SPATA31C2: variants seen among roughly 807,000 people sequenced by gnomAD.
The protein encoded by SPATA31C2 is spermatogenesis-associated protein 31C2.
Under a neutral mutation model 11.4 loss-of-function variants are expected in SPATA31C2, and 5 were observed. That is an observed-to-expected ratio of 0.44 (90% CI 0.23 to 0.92). SPATA31C2 has a LOEUF of 0.92. Among genes scored for constraint, SPATA31C2 ranks in the 40% least tolerant of loss-of-function variants. The pLI, the probability that SPATA31C2 is intolerant of heterozygous loss-of-function variation, is 0.24. For synonymous variants in SPATA31C2, 515 were observed against 538.7 expected (o/e 0.96, Z 0.61); for missense variants, 1,353 against 1,368.6 (o/e 0.99, Z 0.18).
Position 88,131,402 on chromosome 9 carries a change from C to T in SPATA31C2, c.1635G>A (p.Glu545=), listed in dbSNP as rs772601855. Residue 545 remains glutamate, a synonymous_variant, in exon 4 of 4, where the codon GAG becomes GAA. Transcript: ENST00000324915. ...GCTTCCTCAGGTTCCTTTCCGACTC[C>T]TCAGAGGTCGCCCCCAGAACCTTCC... ...FPGKVLGATS[E]ESERNLRKPL... is the part of the protein sequence containing the mutation. 16 of 1,611,868 alleles carry T rather than the reference C, an allele frequency of 9.9e-6. No individual in the cohort carries two copies. Among genetic ancestry groups the T allele is most frequent in the Non-Finnish European group, 1.4e-5 (16 of 1,179,868 alleles).
rs1825549260 is a variant in SPATA31C2 at position 88,129,636 on chromosome 9, T to A, written c.3401A>T (p.Gln1134Leu). The A allele has an allele frequency of 6.2e-7, 1 of 1,602,954 alleles. No individual in the cohort carries two copies. Among genetic ancestry groups the A allele is most frequent in the Non-Finnish European group, 8.5e-7 (1 of 1,172,888 alleles). Reference sequence around the variant, plus strand: ...GCACCGGACACTTTTCAAGGGCTACTGATCTCTGATTTGTCTGTCTCTGTT... The same window carrying A: ...GCACCGGACACTTTTCAAGGGCTACAGATCTCTGATTTGTCTGTCTCTGTT... ...RPNRDRQIRD[Q>L] Residue 1134 changes from glutamine to leucine, a missense_variant, in exon 4 of 4, where the codon CAG (glutamine) becomes CTG (leucine). Gln to Leu is a moderately radical substitution (Grantham distance 113, BLOSUM62 -2). Coordinates refer to ENST00000324915, the MANE Select transcript of SPATA31C2 (RefSeq NM_001350978.3).
At position 88,132,493 on chromosome 9, in the gene SPATA31C2, T is replaced by G. The variant is rs754963052; in HGVS notation, c.544A>C (p.Thr182Pro). Residue 182 changes from threonine to proline, a missense_variant, in exon 4 of 4, where the codon ACC becomes CCC. Around this residue, in one of 6 missense-constraint regions of SPATA31C2, gnomAD observed 1,075 missense variants for 992.8 expected, o/e 1.08. Coordinates refer to ENST00000324915, the MANE Select transcript of SPATA31C2 (RefSeq NM_001350978.3). ...GAGGCACTTAGGGAGGAGACTGAGGTGGTCATTGGGCCTGGTGGTGGGGTG... is the reference window on the plus strand; with the variant it reads ...GAGGCACTTAGGGAGGAGACTGAGGGGGTCATTGGGCCTGGTGGTGGGGTG... ...ASTPPPGPMT[T>P]SVSSLSASQP... 2.5e-6 allele frequency: 4 copies of G among 1,610,600 alleles called. No homozygotes were observed. The Middle Eastern group carries it at 5.0e-4, about 200-fold the overall frequency.
Position 88,132,096 on chromosome 9 carries a change from G to C in SPATA31C2, c.941C>G (p.Thr314Ser). 1 of 1,610,704 alleles carries C rather than the reference G, an allele frequency of 6.2e-7. No individual in the cohort carries two copies. ...QQDHLSRQRD[T>S]TMSPLLFQAQ... ...CTGGAAAAGCAGTGGGGACATTGTA[G>C]TGTCCCTTTGGCGGGAAAGATGATC... Residue 314 changes from threonine to serine, a missense_variant, in exon 4 of 4, where the codon ACT becomes AGT. Physicochemically the swap from Thr to Ser is moderately conservative, Grantham distance 58. This residue lies in a region of SPATA31C2 where 1,075 missense variants were observed against 992.8 expected (regional missense o/e 1.08). Transcript: ENST00000324915.
Position 88,129,647 on chromosome 9 carries a change from T to G in SPATA31C2, c.3390A>C (p.Gln1130His). Reference protein sequence around the residue: ...KNQSRPNRDRQIRDQ With the variant: ...KNQSRPNRDRHIRDQ ...TTTTCAAGGGCTACTGATCTCTGAT[T>G]TGTCTGTCTCTGTTGGGACGACTCT... Residue 1130 changes from glutamine to histidine, a missense_variant, in exon 4 of 4, where the codon CAA becomes CAC. Coordinates refer to ENST00000324915, the MANE Select transcript of SPATA31C2 (RefSeq NM_001350978.3). 1 of 1,603,292 alleles carries G rather than the reference T, an allele frequency of 6.2e-7. No individual in the cohort carries two copies. The highest frequency in any genetic ancestry group is 8.5e-7 in the Non-Finnish European group (1 of 1,173,038).
At position 88,129,384 on chromosome 9, in the gene SPATA31C2, T is replaced by TA; in HGVS notation, c.*247dup. 1 of 878,100 alleles carries TA rather than the reference T, an allele frequency of 1.1e-6. No individual in the cohort carries two copies. Among genetic ancestry groups the TA allele is most frequent in the Non-Finnish European group, 1.7e-6 (1 of 596,880 alleles). 54.4% of individuals were successfully genotyped at this position (878,100 alleles called of 1,614,324 possible). ...TGAGAGAAAATACTTTTCCTCTACATAGAGTGAATTTTTTCTTGGTGACTT... is the reference window on the plus strand; with the variant it reads ...TGAGAGAAAATACTTTTCCTCTACATAAGAGTGAATTTTTTCTTGGTGACTT... On this transcript the variant is annotated 3_prime_UTR_variant, in exon 4 of 4. Coordinates refer to ENST00000324915, the MANE Select transcript of SPATA31C2 (RefSeq NM_001350978.3).
At position 88,133,971 on chromosome 9, in the gene SPATA31C2, T is replaced by C. The variant is rs1825645025; in HGVS notation, c.190-302A>G. On this transcript the variant is annotated intron_variant, in intron 1 of 3. Coordinates refer to ENST00000324915, the MANE Select transcript of SPATA31C2 (RefSeq NM_001350978.3). The stretch of plus-strand genomic sequence containing the variant: ...CAAGAGTTTGAGACCAGCCTAGCCA[T>C]GGTGAAACCCCATCTCTACTAAAAA... Among the ~76,000 whole-genome samples the C allele has an allele frequency of 3.3e-5, 5 of 152,170 alleles. No individual in the cohort carries two copies. The South Asian group carries it at 6.2e-4, about 19-fold the overall frequency.
Position 88,129,768 on chromosome 9 carries a change from C to T in SPATA31C2, c.3269G>A (p.Cys1090Tyr), listed in dbSNP as rs1387071103. The T allele has an allele frequency of 1.9e-6, 3 of 1,603,984 alleles. No individual in the cohort carries two copies. Among genetic ancestry groups the T allele is most frequent in the South Asian group, 2.2e-5 (2 of 90,954 alleles). Residue 1090 changes from cysteine (C) to tyrosine (Y), a missense_variant, in exon 4 of 4, where the codon TGT becomes TAT. Coordinates refer to ENST00000324915, the MANE Select transcript of SPATA31C2 (RefSeq NM_001350978.3). ...GTGTCTGTGGTTGCAGGGAAACCCACAGACTGGGGCTTGAAACTGCTGTCT... is the reference window on the plus strand; with the variant it reads ...GTGTCTGTGGTTGCAGGGAAACCCATAGACTGGGGCTTGAAACTGCTGTCT... Reference protein sequence around the residue: ...QQRQQFQAPVCGFPCNHRHPF... With the variant: ...QQRQQFQAPVYGFPCNHRHPF...
rs1189057721 is a variant in SPATA31C2, at chr9:88,131,766, C to G, written c.1271G>C (p.Ser424Thr). Residue 424 changes from serine (S) to threonine (T), a missense_variant, in exon 4 of 4, where the codon AGT (serine) becomes ACT (threonine). Coordinates refer to ENST00000324915, the MANE Select transcript of SPATA31C2 (RefSeq NM_001350978.3). The stretch of plus-strand genomic sequence containing the variant: ...CTGGGGAAGGTTAGGAGTGGAGACA[C>G]TAAAGACGTCCTGAGATTTTTGGAC... Reference protein sequence around the residue: ...SRVQKSQDVFSVSTPNLPQER... With the variant: ...SRVQKSQDVFTVSTPNLPQER... The G allele has an allele frequency of 6.2e-7, 1 of 1,611,838 alleles. No individual in the cohort carries two copies.
At position 88,131,503 on chromosome 9, in the gene SPATA31C2, C is replaced by G. The variant is rs961465336; in HGVS notation, c.1534G>C (p.Asp512His). The G allele has an allele frequency of 7.4e-6, 12 of 1,611,604 alleles. No homozygotes were observed. Among genetic ancestry groups the G allele is most frequent in the Non-Finnish European group, 1.0e-5 (12 of 1,179,732 alleles). ...ATTTGCCCCAGATGTGGGCATGGGTCCCTCTCTAGCTGGAACTTCACCGTC... is the reference window on the plus strand; with the variant it reads ...ATTTGCCCCAGATGTGGGCATGGGTGCCTCTCTAGCTGGAACTTCACCGTC... ...AQTVKFQLER[D>H]PCPHLGQILG... Residue 512 changes from aspartate to histidine, a missense_variant, in exon 4 of 4, where the codon GAC becomes CAC. This residue lies in a region of SPATA31C2 where 1,075 missense variants were observed against 992.8 expected (regional missense o/e 1.08). Transcript: ENST00000324915.
At position 88,137,984 on chromosome 9, in the gene SPATA31C2, G is replaced by T. The variant is rs1184905706; in HGVS notation, c.189+274C>A. On this transcript the variant is annotated intron_variant, in intron 1 of 3. Coordinates refer to ENST00000324915, the MANE Select transcript of SPATA31C2 (RefSeq NM_001350978.3). ...TGACCAGAGACCTCCCCCGTCTCAT[G>T]ACCGGTCCTGGCCGCTGAGCCCACG... 8.3e-5 allele frequency among the ~76,000 whole-genome samples: 9 copies of T among 109,014 alleles called. 2 individuals are homozygous for T. In the East Asian group the frequency reaches 3.0e-3, roughly 37 times the overall value. The allele number at this position is 109,014 out of a possible 152,430, so 71.5% of individuals were successfully genotyped here.
At position 88,132,209 on chromosome 9, in the gene SPATA31C2, A is replaced by G; in HGVS notation, c.828T>C (p.Leu276=). ...LAASVPGISG[L]GGSNSQVSAL... ...CAGAAACTTGACTGTTTGAGCCGCC[A>G]AGGCCTGAGATGCCTGGGACAGAAG... Residue 276 remains leucine (L), a synonymous_variant, in exon 4 of 4, where the codon CTT becomes CTC. Transcript: ENST00000324915. 1 of 1,610,654 alleles carries G rather than the reference A, an allele frequency of 6.2e-7. No individual in the cohort carries two copies. The highest frequency in any genetic ancestry group is 8.5e-7 in the Non-Finnish European group (1 of 1,177,634).
At position 88,131,454 on chromosome 9, in the gene SPATA31C2, A is replaced by G. The variant is rs779528046; in HGVS notation, c.1583T>C (p.Leu528Pro). ...GQILGETPQN[L>P]SRGMESFPGK... Reference sequence around the variant, plus strand: ...TGGGAAGCTTTCCATGCCCCTGGATAGATTTTGTGGGGTCTCACCCAGAAT... The same window carrying G: ...TGGGAAGCTTTCCATGCCCCTGGATGGATTTTGTGGGGTCTCACCCAGAAT... The change falls in exon 4 of 4, where the codon CTA becomes CCA. Residue 528 changes from leucine to proline, a missense_variant. Physicochemically the swap from Leu to Pro is moderately conservative, Grantham distance 98 (BLOSUM62 -3). Coordinates refer to ENST00000324915, the MANE Select transcript of SPATA31C2 (RefSeq NM_001350978.3). 6.2e-7 allele frequency: 1 copy of G among 1,611,668 alleles called. No individual in the cohort carries two copies. The highest frequency in any genetic ancestry group is 8.5e-7 in the Non-Finnish European group (1 of 1,179,824).
In SPATA31C2 at chr9:88,132,417, G is replaced by C. The variant is rs12347140; in HGVS notation, c.620C>G (p.Pro207Arg). The C allele has an allele frequency of 1.2e-6, 2 of 1,611,238 alleles. No homozygotes were observed. Among genetic ancestry groups the C allele is most frequent in the Non-Finnish European group, 1.7e-6 (2 of 1,178,110 alleles). Residue 207 changes from proline to arginine, a missense_variant, in exon 4 of 4, where the codon CCT (proline) becomes CGT (arginine). Around this residue, in one of 6 missense-constraint regions of SPATA31C2, gnomAD observed 1,075 missense variants for 992.8 expected, o/e 1.08. Coordinates refer to ENST00000324915, the MANE Select transcript of SPATA31C2 (RefSeq NM_001350978.3). ...GCGTGGTGGGTGAGGGAAAAGTGCA[G>C]GTGGCTCGGGTGAGGGATGTTCTAG... The part of the protein sequence containing the change: ...LLLEHPSPEP[P>R]ALFPHPPRTP...
chr9:88,133,688 C>A lies in SPATA31C2; in HGVS notation c.190-19G>T, dbSNP rs576485490. The A allele has an allele frequency of 1.2e-6, 2 of 1,603,042 alleles. No individual in the cohort carries two copies. The highest frequency in any genetic ancestry group is 2.3e-5 in the East Asian group (1 of 44,274). On this transcript the variant is annotated intron_variant, in intron 1 of 3. Transcript: ENST00000324915. ...GATGACGCTGGGAGACAAGAAATGGCGAGGAGCTAGGACCGGCTCTCCCTC... is the reference window on the plus strand; with the variant it reads ...GATGACGCTGGGAGACAAGAAATGGAGAGGAGCTAGGACCGGCTCTCCCTC...
chr9:88,130,776 T>G lies in SPATA31C2; in HGVS notation c.2261A>C (p.His754Pro). The stretch of plus-strand genomic sequence containing the variant: ...AGCTGTAGGAGCCTTCAAGGACCCA[T>G]GATCATTCGAAGATGGGATCCCTCG... ...APRGIPSSNDHGSLKAPTAGQ... is the reference protein window; with the variant it reads ...APRGIPSSNDPGSLKAPTAGQ... Residue 754 changes from histidine (H) to proline (P), a missense_variant, in exon 4 of 4, where the codon CAT (histidine) becomes CCT (proline). Physicochemically the swap from His to Pro is moderately conservative, Grantham distance 77. Transcript: ENST00000324915. The G allele has an allele frequency of 6.2e-7, 1 of 1,613,160 alleles. No individual in the cohort carries two copies. The highest frequency in any genetic ancestry group is 2.2e-5 in the East Asian group (1 of 44,874).
intron 2 of SPATA31C2, 29 bp downstream of exon 2, chr9:88,133,565 A>G: frequency 2.5e-6 from 4 of 1,601,782 alleles, no homozygotes; most frequent in Non-Finnish European, 3.4e-6. Flanking sequence ...AGATCAAATT[A>G]ACTCTAGTGT....
chr9:88,133,608 T>G lies in SPATA31C2; in HGVS notation c.251A>C (p.Asn84Thr). Residue 84 changes from asparagine (N) to threonine (T), a missense_variant, in exon 2 of 4, where the codon AAC becomes ACC. Transcript: ENST00000324915. ...CAGAGCCTTACCTCTCAGACTGTGG[T>G]TTTTCATCCTGCCTCTGGGCCTCCC... ...RRGRPRGRMK[N>T]HSLRACRECP... 1 of 1,579,634 alleles carries G rather than the reference T, an allele frequency of 6.3e-7. No homozygotes were observed. Among genetic ancestry groups the G allele is most frequent in the Non-Finnish European group, 8.6e-7 (1 of 1,161,722 alleles).
chr9:88,137,491 G>A (rs1362405356), intron 1 of SPATA31C2, among the ~76,000 whole-genome samples: 10 of 143,714 alleles, frequency 7.0e-5, no homozygotes, highest in Non-Finnish European at 1.2e-4. Context: ...GCGTGGTGGC[G>A]GGCGCCTGTA....
rs1188070544 is a variant in SPATA31C2 at position 88,132,995 on chromosome 9, C to G, written c.297G>C (p.Glu99Asp). 2 of 1,356,752 alleles carry G rather than the reference C, an allele frequency of 1.5e-6. No individual in the cohort carries two copies. Among genetic ancestry groups the G allele is most frequent in the Non-Finnish European group, 2.0e-6 (2 of 1,021,180 alleles). The allele number at this position is 1,356,752 out of a possible 1,614,324, so 84.0% of individuals were successfully genotyped here. ...GCAGTTGTGAAAGCAGGTCCCAAGT[C>G]TCCTCCAGGCCTCTCGGGCACTCTC... is the stretch of plus-strand genomic sequence containing the variant. ...ACRECPRGLE[E>D]TWDLLSQLQS... The change falls in exon 3 of 4, where the codon GAG becomes GAC. Residue 99 changes from glutamate (E) to aspartate (D), a missense_variant. Glu to Asp is a conservative substitution (Grantham distance 45). Coordinates refer to ENST00000324915, the MANE Select transcript of SPATA31C2 (RefSeq NM_001350978.3).
Sources: allele counts gnomAD v4.1 joint callset (sites outside exome capture counted in the v4.1 genomes callset), GRCh38; gene constraint gnomAD v4.1.1; regional missense constraint gnomAD v4.1.1; transcripts MANE v1.5; gene names NCBI Gene and HGNC (gene_info 2026-07-23, HGNC 2026-07-21).